The following ROBO2 variants were observed in gnomAD, a reference collection of about 807,000 sequenced individuals.
ROBO2 encodes roundabout homolog 2.
In ROBO2, 53 loss-of-function variants were observed where a neutral mutation model predicts 160.8. The ratio of observed to expected loss-of-function variants is 0.33; its 90% CI spans 0.26 to 0.41. The LOEUF is 0.41. Among genes scored for constraint, ROBO2 ranks in the 10% least tolerant of loss-of-function variants. The pLI is 1.00. For synonymous variants in ROBO2, 664 were observed against 611.7 expected (o/e 1.09, Z -1.26); for missense variants, 1,577 against 1,722.4 (o/e 0.92, Z 1.49).
intron 1 of ROBO2, among the ~76,000 whole-genome samples, chr3:75,925,656 C>T (rs993421648): frequency 3.3e-5 from 5 of 152,140 alleles, no homozygotes; most frequent in Admixed American, 2.0e-4. Flanking sequence ...GAATATGAGG[C>T]AACTGGATAC....
At chr3:76,385,422 A>G (rs908766251) in intron 2 of ROBO2, among the ~76,000 whole-genome samples, 1 of 152,222 alleles carries the variant, frequency 6.6e-6, no homozygotes, top group African/African-American at 2.4e-5. Context: ...GATGGTGCCA[A>G]TGGGCACCAT....
chr3:76,849,403 C>T (rs1165344740), intron 2 of ROBO2, among the ~76,000 whole-genome samples: 4 of 152,138 alleles, frequency 2.6e-5, no homozygotes, highest in Non-Finnish European at 4.4e-5. Flanking sequence ...CCTTTCATGA[C>T]CCCATTTGCA....
intron 2 of ROBO2, among the ~76,000 whole-genome samples, chr3:76,125,330 T>C (rs1348636836): frequency 6.6e-6 from 1 of 152,106 alleles, no homozygotes; most frequent in Admixed American, 6.6e-5. Flanking sequence ...GTCATTTTGG[T>C]AGAGTGATTT....
chr3:75,975,476 A>G (rs1301434435), intron 2 of ROBO2, among the ~76,000 whole-genome samples: 3 of 151,334 alleles, frequency 2.0e-5, no homozygotes. Context: ...ATATATTAAT[A>G]TATTTCAGTT....
chr3:75,936,087 C>T (rs62269806), intron 1 of ROBO2, among the ~76,000 whole-genome samples: 1 of 152,200 alleles, frequency 6.6e-6, no homozygotes, highest in Non-Finnish European at 1.5e-5. Flanking sequence ...TAAACTGTCA[C>T]TGTCATCAAA....
rs187540623 is a variant in ROBO2 at position 75,953,373 on chromosome 3, A to G, written c.109+15771A>G. 2.8e-3 allele frequency among the ~76,000 whole-genome samples: 419 copies of G among 151,946 alleles called. 1 individual carries two copies. The highest frequency in any genetic ancestry group is 6.1e-3 in the East Asian group (31 of 5,114). On this transcript the variant is annotated intron_variant, in intron 2 of 26. Transcript: ENST00000487694. ...TAATGATACATGACTAGTAACTTCA[A>G]TATCCATATTTGACAGCTGTATTTA...
At chr3:76,299,358 A>T (rs1468727250) in intron 2 of ROBO2, among the ~76,000 whole-genome samples, 2 of 152,148 alleles carry the variant, frequency 1.3e-5, no homozygotes, top group Non-Finnish European at 2.9e-5. Flanking sequence ...GGATTTGATG[A>T]AGCTCAAGTC....
At chr3:76,828,247 T>C (rs1443171238) in intron 2 of ROBO2, among the ~76,000 whole-genome samples, 4 of 152,084 alleles carry the variant, frequency 2.6e-5, no homozygotes, top group African/African-American at 9.7e-5. Context: ...TTATATAAAG[T>C]CTCTACCTAG....
At position 76,651,615 on chromosome 3, in the gene ROBO2, T is replaced by TA. The variant is rs138693158; in HGVS notation, c.110-446388dup. On this transcript the variant is annotated intron_variant, in intron 2 of 26. Transcript: ENST00000487694. Reference sequence around the variant, plus strand: ...CACTATTATTGCTTGCATTTGACATTAAAAAAAAAAAGAATTGAAAAATTA... The same window carrying TA: ...CACTATTATTGCTTGCATTTGACATTAAAAAAAAAAAAGAATTGAAAAATTA... Among the ~76,000 whole-genome samples, 268 of 142,888 alleles carry TA rather than the reference T, an allele frequency of 1.9e-3. 1 individual carries two copies. The highest frequency in any genetic ancestry group is 0.013 in the South Asian group (59 of 4,484). 93.7% of individuals were successfully genotyped at this position (142,888 alleles called of 152,430 possible). A position where few individuals can be genotyped will look rare whatever the true frequency, so the allele number is the denominator to read the frequency against.
intron 2 of ROBO2, among the ~76,000 whole-genome samples, chr3:77,352,216 G>GCT (rs1202356284): frequency 6.7e-6 from 1 of 148,456 alleles, no homozygotes; most frequent in Admixed American, 6.8e-5. Context: ...AATGATTTAT[G>GCT]CTCTCTCTTT....
intron 2 of ROBO2, among the ~76,000 whole-genome samples, chr3:76,353,123 A>G (rs1396376553): frequency 6.6e-6 from 1 of 152,024 alleles, no homozygotes; most frequent in African/African-American, 2.4e-5. Flanking sequence ...CAAGGTTAAA[A>G]TGGAAAATGC....
intron 2 of ROBO2, among the ~76,000 whole-genome samples, chr3:76,906,085 G>A (rs897100268): frequency 1.3e-5 from 2 of 152,096 alleles, no homozygotes; most frequent in African/African-American, 4.8e-5. Flanking sequence ...AATTCAGTGA[G>A]TCTATGGACA....
At chr3:77,506,846 AATC>A (rs1392211526) in intron 5 of ROBO2, among the ~76,000 whole-genome samples, 1 of 152,152 alleles carries the variant, frequency 6.6e-6, no homozygotes, top group African/African-American at 2.4e-5. Context: ...CGAAGATAAT[AATC>A]TTTTTTTGTT....
At chr3:77,621,218 G>A (rs761658787) in intron 22 of ROBO2, among the ~76,000 whole-genome samples, 2 of 152,100 alleles carry the variant, frequency 1.3e-5, no homozygotes, top group Non-Finnish European at 2.9e-5. Context: ...TTAAGCCCAG[G>A]AGTTTCAGAC....
In ROBO2 at chr3:77,612,408, A is replaced by G. The variant is rs142152630; in HGVS notation, c.3293+4454A>G. On this transcript the variant is annotated intron_variant, in intron 21 of 25. Transcript: ENST00000461745. ...TGCAATGGATTAAGACGTGAACACC[A>G]TAGAGATAACAGACCATTCTTCTCC... is the stretch of plus-strand genomic sequence containing the variant. Among the ~76,000 whole-genome samples the G allele has an allele frequency of 2.8e-3, 434 of 152,308 alleles. 2 individuals are homozygous for G. Among genetic ancestry groups the G allele is most frequent in the African/African-American group, 1.0e-2 (415 of 41,568 alleles).
chr3:77,615,291 G>T (rs2094746702), intron 21 of ROBO2, among the ~76,000 whole-genome samples: 1 of 152,056 alleles, frequency 6.6e-6, no homozygotes, highest in Admixed American at 6.5e-5. Flanking sequence ...AACTATCAAG[G>T]TTCTCCACCA....
intron 18 of ROBO2, 121 bp from the exon 20 acceptor site, chr3:77,596,502 C>A: frequency 8.1e-7 from 1 of 1,236,526 alleles, no homozygotes; most frequent in Non-Finnish European, 1.2e-6. Context: ...AGGGAGTCTA[C>A]TTATATTAAT....
rs77304348 is a variant in ROBO2, at chr3:76,478,817, G to A, written c.109+541215G>A. 9.4e-3 allele frequency among the ~76,000 whole-genome samples: 1,432 copies of A among 151,680 alleles called. 22 individuals are homozygous for A. The highest frequency in any genetic ancestry group is 0.033 in the African/African-American group (1,379 of 41,334). The stretch of plus-strand genomic sequence containing the variant: ...AACCTCCCAAGTAGCTGGGACTACA[G>A]GCCTGTCACCTCATCTGGCTAATTT... On this transcript the variant is annotated intron_variant, in intron 2 of 26. Coordinates refer to the ROBO2 transcript ENST00000487694.
intron 2 of ROBO2, among the ~76,000 whole-genome samples, chr3:76,655,922 G>T (rs1283389782): frequency 6.6e-6 from 1 of 151,904 alleles, no homozygotes; most frequent in Non-Finnish European, 1.5e-5. Flanking sequence ...ATATACAACA[G>T]ACTTAATAAC....
Sources: allele counts gnomAD v4.1 joint callset (sites outside exome capture counted in the v4.1 genomes callset), GRCh38; gene constraint gnomAD v4.1.1; transcripts MANE v1.5; gene names NCBI Gene and HGNC (gene_info 2026-07-23, HGNC 2026-07-21).